NEDD4L: variants seen among roughly 807,000 people sequenced by gnomAD.
The protein encoded by NEDD4L is NEDD4 like E3 ubiquitin protein ligase, also known as E3 ubiquitin-protein ligase NEDD4-like.
NEDD4L carries 54 observed loss-of-function variants against 148.9 expected under a neutral mutation model. The ratio of observed to expected loss-of-function variants is 0.36; its 90% CI spans 0.29 to 0.45. NEDD4L has a LOEUF of 0.45. NEDD4L is among the 20% of genes least tolerant of loss of function. The pLI is 1.00. For missense variants in NEDD4L, 856 were observed against 1,233.8 expected (o/e 0.69, Z 4.59); for synonymous variants, 433 against 440.7 (o/e 0.98, Z 0.22).
chr18:58,229,793 T>C lies in NEDD4L; in HGVS notation c.123-15634T>C, dbSNP rs375158745. ...GATCGTGAGGTCAGGAGATCAAGAC[T>C]ATCCTGGCCAATATGGTGAAACCCC... On this transcript the variant is annotated intron_variant, in intron 2 of 30. Transcript: ENST00000400345. Among the ~76,000 whole-genome samples the C allele has an allele frequency of 6.6e-5, 10 of 152,076 alleles. No individual in the cohort carries two copies. In the South Asian group the frequency reaches 1.5e-3, roughly 22 times the overall value.
At chr18:58,248,582 G>A (rs919929292) in intron 3 of NEDD4L, among the ~76,000 whole-genome samples, 1 of 152,036 alleles carries the variant, frequency 6.6e-6, no homozygotes, top group African/African-American at 2.4e-5. Flanking sequence ...TTTCCTTCTT[G>A]GTAGAATAAT....
At chr18:58,237,610 A>G (rs1385006513) in intron 2 of NEDD4L, among the ~76,000 whole-genome samples, 1 of 152,240 alleles carries the variant, frequency 6.6e-6, no homozygotes, top group African/African-American at 2.4e-5. Flanking sequence ...TTTTTTAACA[A>G]ACTATTTAAG....
At chr18:58,318,163 A>G (rs1349741358) in intron 6 of NEDD4L, among the ~76,000 whole-genome samples, 1 of 152,186 alleles carries the variant, frequency 6.6e-6, no homozygotes, top group Non-Finnish European at 1.5e-5. Context: ...TGTGGATCGA[A>G]TTATGGATGC....
chr18:58,195,635 G>A (rs533190474), intron 2 of NEDD4L: 17 of 1,349,986 alleles, frequency 1.3e-5, no homozygotes, highest in East Asian at 4.6e-5. Context: ...ATTTCTCCTC[G>A]CCGCCGTTGC....
Position 58,256,706 on chromosome 18 carries a change from G to T in NEDD4L, c.297+4652G>T. 1 of 1,232,232 alleles carries T rather than the reference G, an allele frequency of 8.1e-7. No homozygotes were observed. The highest frequency in any genetic ancestry group is 1.0e-6 in the Non-Finnish European group (1 of 988,070). 76.3% of individuals were successfully genotyped at this position (1,232,232 alleles called of 1,614,324 possible). On this transcript the variant is annotated intron_variant, in intron 5 of 30. Coordinates refer to ENST00000400345, the MANE Select transcript of NEDD4L (RefSeq NM_001144967.3). The surrounding 1 kb of genome is among the most constrained non-coding windows in gnomAD (Gnocchi z 5.2). ...TAGAATTCTTGTAACCCGGGGGCCG[G>T]AAGAAGCTCCCCAGAATCCCGAGGA... is the stretch of plus-strand genomic sequence containing the variant.
intron 17 of NEDD4L, among the ~76,000 whole-genome samples, chr18:58,350,656 G>A (rs1055401233): frequency 4.6e-5 from 7 of 152,048 alleles, no homozygotes; most frequent in African/African-American, 7.3e-5. Flanking sequence ...CTTTCCTTTA[G>A]TACTCAGTAT....
intron 16 of NEDD4L, among the ~76,000 whole-genome samples, chr18:58,344,894 C>T (rs1244405949): frequency 4.6e-5 from 7 of 152,212 alleles, no homozygotes; most frequent in Middle Eastern, 3.4e-3. Flanking sequence ...TGTGGCTTGC[C>T]AACATAAGCT....
chr18:58,129,472 C>G (rs1042720700), intron 1 of NEDD4L, among the ~76,000 whole-genome samples: 4 of 152,212 alleles, frequency 2.6e-5, no homozygotes, highest in Non-Finnish European at 4.4e-5. Flanking sequence ...GTTCTGGAAG[C>G]TTCTCCACTA....
intron 1 of NEDD4L, among the ~76,000 whole-genome samples, chr18:58,055,031 TG>T (rs2082033187): frequency 6.6e-6 from 1 of 151,864 alleles, no homozygotes; most frequent in East Asian, 1.9e-4. Flanking sequence ...GAGTGATGGG[TG>T]GGGTGGGGCA....
chr18:58,335,598 G>T, intron 13 of NEDD4L, 61 bp downstream of exon 13: 1 of 1,231,426 alleles, frequency 8.1e-7, no homozygotes, highest in Non-Finnish European at 1.2e-6. Context: ...TTAATATTTC[G>T]TGTAGTGGTG....
At chr18:58,383,603 G>T (rs781546780) in intron 25 of NEDD4L, among the ~76,000 whole-genome samples, 1 of 152,178 alleles carries the variant, frequency 6.6e-6, no homozygotes, top group Non-Finnish European at 1.5e-5. Context: ...GGAATATGTG[G>T]ATATCAACTA....
chr18:58,223,752 C>A (rs781455322), intron 2 of NEDD4L, among the ~76,000 whole-genome samples: 1 of 152,294 alleles, frequency 6.6e-6, no homozygotes, highest in Non-Finnish European at 1.5e-5. Flanking sequence ...GCCTGCCACT[C>A]GCTCACCTTG....
chr18:58,155,504 T>C (rs1346722406), intron 1 of NEDD4L, among the ~76,000 whole-genome samples: 1 of 152,184 alleles, frequency 6.6e-6, no homozygotes, highest in Non-Finnish European at 1.5e-5. Flanking sequence ...AGTGAGTCTT[T>C]GATGTGAGTT....
intron 5 of NEDD4L, among the ~76,000 whole-genome samples, chr18:58,301,181 T>G (rs984322635): frequency 3.9e-5 from 6 of 152,162 alleles, no homozygotes; most frequent in Admixed American, 3.9e-4. Flanking sequence ...GAATGACAAC[T>G]TATAGAGCTC....
Position 58,367,751 on chromosome 18 carries a change from A to G in NEDD4L, c.2069A>G (p.Asn690Ser). The G allele has an allele frequency of 6.2e-7, 1 of 1,614,026 alleles. No homozygotes were observed. Reference sequence around the variant, plus strand: ...CTTCTCTTTCTCCTCAAAAGGGACAACTACACCCTTCAGATCAACCCTAAT... The same window carrying G: ...CTTCTCTTTCTCCTCAAAAGGGACAGCTACACCCTTCAGATCAACCCTAAT... ...YGLFEYSATD[N>S]YTLQINPNSG... is the part of the protein sequence containing the mutation. Residue 690 changes from asparagine to serine, a missense_variant, in exon 22 of 31, where the codon AAC becomes AGC. Physicochemically the swap from Asn to Ser is conservative, Grantham distance 46 (BLOSUM62 1). Coordinates refer to ENST00000400345, the MANE Select transcript of NEDD4L (RefSeq NM_001144967.3).
Position 58,104,775 on chromosome 18 carries a change from C to T in NEDD4L, c.48+60067C>T, listed in dbSNP as rs748306976. ...TTTCATCACTAACATTGTTTTGCAC[C>T]GTTTCAGCTTCTATGGACATTCTTA... On this transcript the variant is annotated intron_variant, in intron 1 of 30. Coordinates refer to ENST00000400345, the MANE Select transcript of NEDD4L (RefSeq NM_001144967.3). Among the ~76,000 whole-genome samples the T allele has an allele frequency of 1.9e-4, 29 of 152,080 alleles. No individual in the cohort carries two copies. In the East Asian group the frequency reaches 1.9e-3, roughly 10 times the overall value.
At chr18:58,258,260 C>T (rs1450330742) in intron 5 of NEDD4L, among the ~76,000 whole-genome samples, 1 of 152,144 alleles carries the variant, frequency 6.6e-6, no homozygotes, top group East Asian at 1.9e-4. Context: ...TAGCCTTTAA[C>T]GCCCACCCCC....
intron 18 of NEDD4L, among the ~76,000 whole-genome samples, chr18:58,356,762 G>A (rs536217908): frequency 6.6e-6 from 1 of 152,216 alleles, no homozygotes; most frequent in Admixed American, 6.5e-5. Flanking sequence ...AACACCATAA[G>A]TAAAGAGAAA....
intron 11 of NEDD4L, among the ~76,000 whole-genome samples, chr18:58,333,144 G>T (rs1003004048): frequency 6.6e-6 from 1 of 151,888 alleles, no homozygotes; most frequent in South Asian, 2.1e-4. Flanking sequence ...CAAGTGTGGT[G>T]GGGGGGGCTT....
Sources: gnomAD v4.1 joint callset for allele counts (sites outside exome capture counted in the v4.1 genomes callset) on GRCh38, gnomAD v4.1.1 for gene constraint, Gnocchi (gnomAD v3.1) non-coding constraint, MANE v1.5 for transcripts, NCBI Gene and HGNC (gene_info 2026-07-23, HGNC 2026-07-21) for gene names.